The following ACOT7 variants were observed in gnomAD, a reference collection of about 807,000 sequenced individuals.
ACOT7 encodes the protein cytosolic acyl coenzyme A thioester hydrolase.
In ACOT7, 12 loss-of-function variants were observed where a neutral mutation model predicts 40.2. The observed-to-expected ratio is 0.30, with a 90% CI of 0.19 to 0.48. The LOEUF is 0.48. Among genes scored for constraint, ACOT7 ranks in the 20% least tolerant of loss-of-function variants. The probability of loss-of-function intolerance (pLI) is 0.99; values close to 1 mark genes in which losing one functional copy is unlikely to be tolerated. For missense variants in ACOT7, 395 were observed against 530.8 expected (o/e 0.74, Z 2.51); for synonymous variants, 228 against 219.5 (o/e 1.04, Z -0.34).
chr1:6,350,658 G>A (rs1641565379), intron 1 of ACOT7, among the ~76,000 whole-genome samples: 1 of 152,238 alleles, frequency 6.6e-6, no homozygotes, highest in Admixed American at 6.5e-5. Context: ...ACAGGCCGAG[G>A]CCTGGAGACG....
At chr1:6,303,556 C>T (rs1399101341) in intron 6 of ACOT7, among the ~76,000 whole-genome samples, 6 of 152,236 alleles carry the variant, frequency 3.9e-5, no homozygotes, top group Admixed American at 2.6e-4. Context: ...CAGCTCGGAG[C>T]CCGTGTGCCG....
chr1:6,390,093 T>C (rs780875752), intron 1 of ACOT7, among the ~76,000 whole-genome samples: 2 of 152,204 alleles, frequency 1.3e-5, no homozygotes, highest in Non-Finnish European at 1.5e-5. Context: ...TCCAGTGTCC[T>C]GCGGTTTCTC....
intron 2 of ACOT7, among the ~76,000 whole-genome samples, chr1:6,342,330 CT>C (rs2148447741): frequency 6.6e-6 from 1 of 152,346 alleles, no homozygotes; most frequent in East Asian, 1.9e-4. Context: ...GCCCCACCCC[CT>C]AATACCATCA....
chr1:6,291,277 C>G (rs1345055912), intron 7 of ACOT7, among the ~76,000 whole-genome samples: 2 of 152,090 alleles, frequency 1.3e-5, no homozygotes, highest in African/African-American at 4.8e-5. Context: ...AATCCTATGA[C>G]AAGTGTCCTT....
chr1:6,387,455 G>T (rs1215330533), intron 1 of ACOT7, among the ~76,000 whole-genome samples: 1 of 152,112 alleles, frequency 6.6e-6, no homozygotes, highest in Non-Finnish European at 1.5e-5. Context: ...ACTCTCTGCT[G>T]AAGTACTGTT....
chr1:6,349,800 G>A lies in ACOT7; in HGVS notation c.210C>T (p.Ile70=), dbSNP rs750908241. The A allele has an allele frequency of 1.5e-5, 25 of 1,614,068 alleles. No homozygotes were observed. The highest frequency in any genetic ancestry group is 4.5e-5 in the East Asian group (2 of 44,874). ...NVHGGTILKM[I]EEAGAIISTR... ...TGCTGATGATGGCGCCTGCCTCCTC[G>A]ATCATCTTCAGGATGGTCCCCCCGT... The change falls in exon 2 of 9, where the codon ATC becomes ATT. Residue 70 remains isoleucine, a synonymous_variant. Coordinates refer to ENST00000361521, the MANE Select transcript of ACOT7 (RefSeq NM_007274.4).
intron 3 of ACOT7, among the ~76,000 whole-genome samples, chr1:6,336,869 A>G (rs569304899): frequency 6.6e-6 from 1 of 152,330 alleles, no homozygotes; most frequent in African/African-American, 2.4e-5. Flanking sequence ...AGCACAGACG[A>G]GGAGATGAGC....
At chr1:6,324,185 A>C (rs72858315) in intron 5 of ACOT7, among the ~76,000 whole-genome samples, 14,850 of 152,114 alleles carry the variant, frequency 0.098, 1,863 homozygotes, top group African/African-American at 0.29. Flanking sequence ...CCGGGAAGCC[A>C]TGCCACTGAG....
At position 6,264,491 on chromosome 1, in the gene ACOT7, C is replaced by T; in HGVS notation, c.*106G>A. ...ATACGAAAACTTCAGACAACACCAGCTCTCAATGTGAATTGGGTTTTTGGC... is the reference window on the plus strand; with the variant it reads ...ATACGAAAACTTCAGACAACACCAGTTCTCAATGTGAATTGGGTTTTTGGC... On this transcript the variant is annotated 3_prime_UTR_variant, in exon 9 of 9. Transcript: ENST00000361521. 9.9e-7 allele frequency: 1 copy of T among 1,012,580 alleles called. No individual in the cohort carries two copies. The highest frequency in any genetic ancestry group is 1.6e-5 in the South Asian group (1 of 62,506). The allele number at this position is 1,012,580 out of a possible 1,614,324, so 62.7% of individuals were successfully genotyped here.
intron 5 of ACOT7, among the ~76,000 whole-genome samples, chr1:6,324,613 C>T (rs1435070283): frequency 1.3e-5 from 2 of 152,138 alleles, no homozygotes; most frequent in Admixed American, 6.5e-5. Flanking sequence ...CTGCCCACAC[C>T]CCCCGGGGTC....
chr1:6,344,253 G>T (rs1191077599), intron 2 of ACOT7, among the ~76,000 whole-genome samples: 1 of 152,168 alleles, frequency 6.6e-6, no homozygotes, highest in East Asian at 1.9e-4. Flanking sequence ...CTCAGAGGAG[G>T]CACAAAAGCA....
At chr1:6,340,792 T>TTAGGCCGGGCGCGG (rs1641255131) in intron 2 of ACOT7, among the ~76,000 whole-genome samples, 2 of 152,000 alleles carry the variant, frequency 1.3e-5, no homozygotes, top group Admixed American at 1.3e-4. Flanking sequence ...TTCCAGAACT[T>TTAGGCCGGGCGCGG]TGGGAGGCCG....
intron 7 of ACOT7, among the ~76,000 whole-genome samples, chr1:6,291,634 C>T (rs1182951178): frequency 2.6e-5 from 4 of 152,166 alleles, no homozygotes; most frequent in South Asian, 2.1e-4. Context: ...CTCTTGACAC[C>T]GACTGGGATA....
chr1:6,372,143 T>A (rs1642144396), intron 1 of ACOT7, among the ~76,000 whole-genome samples: 1 of 152,194 alleles, frequency 6.6e-6, no homozygotes. Flanking sequence ...CAGCACCTGC[T>A]GCTCTACCTT....
At chr1:6,323,229 G>A (rs933696987) in intron 5 of ACOT7, among the ~76,000 whole-genome samples, 4 of 152,066 alleles carry the variant, frequency 2.6e-5, no homozygotes, top group South Asian at 2.1e-4. Context: ...CAGCTTTTTC[G>A]GCTACTGAGA....
intron 8 of ACOT7, among the ~76,000 whole-genome samples, chr1:6,271,981 G>C (rs1180901448): frequency 6.6e-6 from 1 of 152,276 alleles, no homozygotes; most frequent in Non-Finnish European, 1.5e-5. Context: ...GAGTGCCGTG[G>C]TCCCGGGACG....
At chr1:6,270,752 ATG>A (rs1325635809) in intron 8 of ACOT7, among the ~76,000 whole-genome samples, 3 of 152,136 alleles carry the variant, frequency 2.0e-5, no homozygotes, top group Admixed American at 1.3e-4. Context: ...TCCCTGGTGC[ATG>A]TGTGTGTGTC....
chr1:6,352,807 T>G lies in ACOT7; in HGVS notation c.144-2941A>C, dbSNP rs1373644293. 3.3e-5 allele frequency among the ~76,000 whole-genome samples: 5 copies of G among 151,934 alleles called. No homozygotes were observed. Among genetic ancestry groups the G allele is most frequent in the African/African-American group, 1.2e-4 (5 of 41,374 alleles). The stretch of plus-strand genomic sequence containing the variant: ...ACCGTATTAGCCAGGATGGTCTTGA[T>G]CTCCTGACCTCGTTCGTGATCCCAT... On this transcript the variant is annotated intron_variant, in intron 1 of 8. Transcript: ENST00000361521. This position sits in a 1 kb window ranked among gnomAD's most constrained non-coding sequence, Gnocchi z 4.5.
chr1:6,349,184 C>A (rs1641517997), intron 2 of ACOT7, among the ~76,000 whole-genome samples: 1 of 151,932 alleles, frequency 6.6e-6, no homozygotes, highest in South Asian at 2.1e-4. Context: ...TTGTCCCCAG[C>A]TTTAGGGTCA....
Sources: gnomAD v4.1 joint callset for allele counts (sites outside exome capture counted in the v4.1 genomes callset) on GRCh38, gnomAD v4.1.1 for gene constraint, Gnocchi (gnomAD v3.1) non-coding constraint, MANE v1.5 for transcripts, NCBI Gene and HGNC (gene_info 2026-07-23, HGNC 2026-07-21) for gene names.